SPDYE18: variants seen among roughly 807,000 people sequenced by gnomAD.
SPDYE18 encodes speedy/RINGO cell cycle regulator family member E18, also known as speedy protein E18.
Under a neutral mutation model 44.9 loss-of-function variants are expected in SPDYE18, and 6 were observed. The observed-to-expected ratio is 0.13, with a 90% CI of 0.07 to 0.26. SPDYE18 has a LOEUF of 0.26. Among genes scored for constraint, SPDYE18 ranks in the 10% least tolerant of loss-of-function variants. SPDYE18 has a pLI of 1.00. For missense variants in SPDYE18, 121 were observed against 463.2 expected (o/e 0.26, Z 6.78); for synonymous variants, 35 against 177.1 (o/e 0.20, Z 6.37).
At chr7:77,054,838 A>G (rs3873734) in intron 6 of SPDYE18, among the ~76,000 whole-genome samples, 13 of 152,050 alleles carry the variant, frequency 8.5e-5, no homozygotes, top group African/African-American at 2.4e-4. Context: ...CTCGACCTTA[A>G]CTTACTGCAA....
At position 77,060,819 on chromosome 7, in the gene SPDYE18, A is replaced by G. The variant is rs371327783; in HGVS notation, c.-307T>C. Among the ~76,000 whole-genome samples, 14,682 of 136,090 alleles carry G rather than the reference A, an allele frequency of 0.11. 726 individuals carry two copies. Among genetic ancestry groups the G allele is most frequent in the Non-Finnish European group, 0.16 (9,548 of 61,588 alleles). 89.3% of individuals were successfully genotyped at this position (136,090 alleles called of 152,430 possible). On this transcript the variant is annotated 5_prime_UTR_variant, in exon 2 of 9. The change abolishes the stop of an existing upstream ORF in the 5' untranslated region. Transcript: ENST00000510091. ...CAGACCATTGTCCAAAAGCATCTTC[A>G]GGGACTCCACATCCCTGTGTTCCCT...
chr7:77,059,117 A>T (rs1789979706), intron 3 of SPDYE18, 63 bp downstream of exon 3: 3 of 1,582,556 alleles, frequency 1.9e-6, no homozygotes, highest in African/African-American at 2.7e-5. Flanking sequence ...AAGTGTGGTT[A>T]TTGGAAGTTT....
rs71250283 is a variant in SPDYE18, at chr7:77,050,726, GGT to G, written c.*1197_*1198del. Among the ~76,000 whole-genome samples, 22,694 of 148,428 alleles carry G rather than the reference GGT, an allele frequency of 0.15. 380 individuals are homozygous for G. The highest frequency in any genetic ancestry group is 0.29 in the East Asian group (1,454 of 5,016). ...GTAATAATAGATACAAAGATTGAAAGGTAAAAGATTTAGGATGAAAAGAATCC... is the reference window on the plus strand; with the variant it reads ...GTAATAATAGATACAAAGATTGAAAGAAAAGATTTAGGATGAAAAGAATCC... On this transcript the variant is annotated 3_prime_UTR_variant, in exon 9 of 9. Coordinates refer to ENST00000510091, the MANE Select transcript of SPDYE18 (RefSeq NM_001394953.1).
rs1365977898 is a variant in SPDYE18, at chr7:77,050,956, C to T, written c.*969G>A. 6.6e-6 allele frequency among the ~76,000 whole-genome samples: 1 copy of T among 150,570 alleles called. No individual in the cohort carries two copies. The highest frequency in any genetic ancestry group is 1.5e-5 in the Non-Finnish European group (1 of 67,698). On this transcript the variant is annotated 3_prime_UTR_variant, in exon 9 of 9. Coordinates refer to ENST00000510091, the MANE Select transcript of SPDYE18 (RefSeq NM_001394953.1). ...TAAATAAAATAATACTTAAATAATT[C>T]TATACCCATGTTTTTCAAAATAAAC...
intron 6 of SPDYE18, among the ~76,000 whole-genome samples, chr7:77,054,714 T>C (rs1389428477): frequency 0.023 from 3,459 of 147,730 alleles, no homozygotes; most frequent in African/African-American, 0.085. Context: ...CGGTTTATGG[T>C]TCCTTTTGTT....
At position 77,051,861 on chromosome 7, in the gene SPDYE18, C is replaced by G. The variant is rs1167084408; in HGVS notation, c.*64G>C. Among the ~76,000 whole-genome samples, 1 of 151,720 alleles carries G rather than the reference C, an allele frequency of 6.6e-6. No homozygotes were observed. Among genetic ancestry groups the G allele is most frequent in the Non-Finnish European group, 1.5e-5 (1 of 67,956 alleles). ...TAAAGTTCCTGCTGAAAATCCACAT[C>G]TCCCCTGGGTCCGGTGTTCTGGAAG... On this transcript the variant is annotated 3_prime_UTR_variant, in exon 9 of 9. Transcript: ENST00000510091.
chr7:77,054,850 C>T (rs1191500386), intron 6 of SPDYE18, among the ~76,000 whole-genome samples: 2 of 152,190 alleles, frequency 1.3e-5, no homozygotes, highest in Admixed American at 6.5e-5. Context: ...TTACTGCAAC[C>T]TCCACCTCCT....
chr7:77,053,875 T>A (rs1175856974), intron 6 of SPDYE18, among the ~76,000 whole-genome samples: 2 of 145,876 alleles, frequency 1.4e-5, no homozygotes, highest in African/African-American at 4.9e-5. Flanking sequence ...CCAGGTGTGG[T>A]GGCACAGCCC....
intron 2 of SPDYE18, among the ~76,000 whole-genome samples, chr7:77,060,020 TTTC>T (rs1437919939): frequency 0.013 from 1,349 of 104,494 alleles, 28 homozygotes; most frequent in African/African-American, 0.047. Context: ...TCTTTTCTTT[TTTC>T]TTTTCTTTTT....
chr7:77,058,908 T>C (rs1789975546), intron 3 of SPDYE18, among the ~76,000 whole-genome samples: 1 of 152,048 alleles, frequency 6.6e-6, no homozygotes, highest in East Asian at 1.9e-4. Flanking sequence ...TCCTCTTGCC[T>C]CAGCCTCCCA....
rs1239360000 is a variant in SPDYE18 at position 77,053,573 on chromosome 7, C to T, written c.756-370G>A. Among the ~76,000 whole-genome samples, 3 of 152,374 alleles carry T rather than the reference C, an allele frequency of 2.0e-5. No homozygotes were observed. The East Asian group carries it at 5.8e-4, about 29-fold the overall frequency. ...ATAAGAAATATGCCAGACGCGGTGG[C>T]TCATGCCTGTAATCCCAGCACTTTA... On this transcript the variant is annotated intron_variant, in intron 6 of 8. Transcript: ENST00000510091.
At position 77,060,786 on chromosome 7, in the gene SPDYE18, C is replaced by G. The variant is rs1225537864; in HGVS notation, c.-274G>C. 1.4e-5 allele frequency among the ~76,000 whole-genome samples: 2 copies of G among 147,284 alleles called. No homozygotes were observed. Among genetic ancestry groups the G allele is most frequent in the Non-Finnish European group, 3.0e-5 (2 of 67,734 alleles). Reference sequence around the variant, plus strand: ...GGTGAATGGTATCTCCTGCCACTGTCCCAACCTCAGACCATTGTCCAAAAG... The same window carrying G: ...GGTGAATGGTATCTCCTGCCACTGTGCCAACCTCAGACCATTGTCCAAAAG... On this transcript the variant is annotated 5_prime_UTR_variant, in exon 2 of 9. Coordinates refer to ENST00000510091, the MANE Select transcript of SPDYE18 (RefSeq NM_001394953.1).
Position 77,060,477 on chromosome 7 carries a change from T to A in SPDYE18, c.36A>T (p.Gly12=). Residue 12 remains glycine, a synonymous_variant, in exon 2 of 9, where the codon GGA becomes GGT. Coordinates refer to ENST00000510091, the MANE Select transcript of SPDYE18 (RefSeq NM_001394953.1). ...DRTKTRFRKR[G]QITGKITTSR... ...TGGTCGTGATCTTTCCCGTAATCTG[T>A]CCCCTCTTACGGAACCTAGTCTTCG... 4.6e-6 allele frequency: 7 copies of A among 1,535,238 alleles called. No individual in the cohort carries two copies. Among genetic ancestry groups the A allele is most frequent in the Non-Finnish European group, 6.1e-6 (7 of 1,146,790 alleles).
intron 2 of SPDYE18, among the ~76,000 whole-genome samples, chr7:77,059,822 G>A (rs1316679617): frequency 6.8e-6 from 1 of 146,350 alleles, no homozygotes; most frequent in Non-Finnish European, 1.5e-5. Flanking sequence ...GCTCAATTTT[G>A]TACTTTTAGT....
chr7:77,054,540 C>T (rs1486739246), intron 6 of SPDYE18, among the ~76,000 whole-genome samples: 231 of 150,680 alleles, frequency 1.5e-3, no homozygotes, highest in African/African-American at 5.3e-3. Context: ...TCGAGTGATG[C>T]GAGGGGGACC....
chr7:77,059,729 C>A (rs201955869), intron 2 of SPDYE18, among the ~76,000 whole-genome samples: 25,633 of 116,804 alleles, frequency 0.22, 2,703 homozygotes, highest in East Asian at 0.5. Flanking sequence ...AGCTCACTGC[C>A]ACATCCATCT....
At position 77,051,131 on chromosome 7, in the gene SPDYE18, C is replaced by T. The variant is rs1789786445; in HGVS notation, c.*794G>A. 6.6e-6 allele frequency among the ~76,000 whole-genome samples: 1 copy of T among 151,982 alleles called. No individual in the cohort carries two copies. Among genetic ancestry groups the T allele is most frequent in the Non-Finnish European group, 1.5e-5 (1 of 67,986 alleles). On this transcript the variant is annotated 3_prime_UTR_variant, in exon 9 of 9. Transcript: ENST00000510091. ...AATTATGTTTTTTTCTGGTGGGGAA[C>T]TACCAATAGCTATAAATAGAAGAGA...
intron 2 of SPDYE18, among the ~76,000 whole-genome samples, chr7:77,059,892 T>C (rs3972480): frequency 0.75 from 108,613 of 145,338 alleles, 41,711 homozygotes; most frequent in African/African-American, 0.91. Flanking sequence ...TCAAGTGATC[T>C]GCCTGTCTTG....
In SPDYE18 at chr7:77,060,422, T is replaced by A; in HGVS notation, c.91A>T (p.Ser31Cys). The change falls in exon 2 of 9, where the codon AGT (serine) becomes TGT (cysteine). Residue 31 changes from serine (S) to cysteine (C), a missense_variant. Ser to Cys is a moderately radical substitution (Grantham distance 112). Transcript: ENST00000510091. ...SRQPHPQNEQ[S>C]LQRSTSGYPL... is the part of the protein sequence containing the mutation. ...TACCCCGAGGTGCTCCGCTGGAGAC[T>A]CTGCTCATTCTGGGGGTGCGGTTGA... is the stretch of plus-strand genomic sequence containing the variant. 6.5e-7 allele frequency: 1 copy of A among 1,535,486 alleles called. No individual in the cohort carries two copies. Among genetic ancestry groups the A allele is most frequent in the East Asian group, 2.4e-5 (1 of 40,922 alleles).
Sources: allele counts gnomAD v4.1 joint callset (sites outside exome capture counted in the v4.1 genomes callset), GRCh38; gene constraint gnomAD v4.1.1; transcripts MANE v1.5; gene names NCBI Gene and HGNC (gene_info 2026-07-23, HGNC 2026-07-21).